PCDHA3: variants seen among roughly 807,000 people sequenced by gnomAD.
The protein encoded by PCDHA3 is protocadherin alpha 3.
Under a neutral mutation model 62.2 loss-of-function variants are expected in PCDHA3, and 41 were observed. The ratio of observed to expected loss-of-function variants is 0.66; its 90% CI spans 0.51 to 0.86. The LOEUF (loss-of-function observed/expected upper bound fraction) is 0.86, where lower values mean the gene tolerates loss of function less well. Ranked by LOEUF, PCDHA3 falls within the 40% of genes least tolerant of loss-of-function variation. The pLI is 0.00. For synonymous variants in PCDHA3, 640 were observed against 555.4 expected, an observed-to-expected ratio of 1.15 and a Z score of -2.14; for missense variants, 1,304 against 1,241.2, an observed-to-expected ratio of 1.05 and a Z score of -0.76.
chr5:140,929,443 T>C, intron 1 of PCDHA3: 1 of 1,426,882 alleles, frequency 7.0e-7, no homozygotes, highest in Non-Finnish European at 9.3e-7. Flanking sequence ...AAACACTCCT[T>C]CTTAGCACTT....
rs1238840347 is a variant in PCDHA3 at position 140,858,526 on chromosome 5, AT to A, written c.2394+54940del. On this transcript the variant is annotated intron_variant, in intron 1 of 3. Coordinates refer to ENST00000522353, the MANE Select transcript of PCDHA3 (RefSeq NM_018906.3). ...TCTCAAATATGTATCAGAATATTTC[AT>A]TTTTGTCTACATTCCATTTATGCTT... 6.2e-5 allele frequency: 87 copies of A among 1,407,632 alleles called. 5 individuals carry two copies. The highest frequency in any genetic ancestry group is 8.4e-5 in the Non-Finnish European group (85 of 1,016,948). The allele number at this position is 1,407,632 out of a possible 1,614,324, so 87.2% of individuals were successfully genotyped here.
intron 1 of PCDHA3, among the ~76,000 whole-genome samples, chr5:140,904,904 C>T (rs1463349424): frequency 6.6e-6 from 1 of 151,948 alleles, no homozygotes; most frequent in East Asian, 1.9e-4. Context: ...GTTTTTCTTA[C>T]TGATTTGTTT....
chr5:140,801,905 C>T lies in PCDHA3; in HGVS notation c.708C>T (p.Asn236=). 1.2e-6 allele frequency: 2 copies of T among 1,614,138 alleles called. No individual in the cohort carries two copies. Among genetic ancestry groups the T allele is most frequent in the Non-Finnish European group, 1.7e-6 (2 of 1,180,030 alleles). Residue 236 remains asparagine (N), a synonymous_variant, in exon 1 of 4, where the codon AAC becomes AAT. Transcript: ENST00000522353. ...TAAAGATCACTGTTTTAGATGTAAA[C>T]GACAACGCCCCAGCGTTTGAGAGGA... is the stretch of plus-strand genomic sequence containing the variant. ...TQLKITVLDV[N]DNAPAFERTI... is the part of the protein sequence containing the mutation.
intron 1 of PCDHA3, chr5:140,836,332 T>C (rs2150258033): frequency 1.2e-6 from 2 of 1,613,714 alleles, no homozygotes; most frequent in Non-Finnish European, 1.7e-6. Context: ...CTTCTGGTGC[T>C]TGTGAAGGAC....
At chr5:140,858,299 C>A in intron 1 of PCDHA3, 1 of 1,597,210 alleles carries the variant, frequency 6.3e-7, no homozygotes, top group Non-Finnish European at 8.6e-7. Flanking sequence ...TTACTCGCAG[C>A]AGAGGCGGCA....
At chr5:140,968,150 A>G (rs1554230413) in intron 1 of PCDHA3, 2 of 1,614,180 alleles carry the variant, frequency 1.2e-6, no homozygotes, top group Admixed American at 1.7e-5. Flanking sequence ...GATCTCTGAC[A>G]TCAATGACAA....
chr5:140,847,939 G>A (rs2150405310), intron 1 of PCDHA3: 7 of 151,270 alleles, frequency 4.6e-5, no homozygotes, highest in African/African-American at 1.7e-4. Flanking sequence ...TGCAACTCCT[G>A]GATTTCTCTT....
At chr5:140,808,893 G>C in intron 1 of PCDHA3, 1 of 1,613,410 alleles carries the variant, frequency 6.2e-7, no homozygotes, top group South Asian at 1.1e-5. Context: ...CTAGCGCCTC[G>C]GGCGGGTGGC....
chr5:140,961,464 C>G (rs1364555316), intron 1 of PCDHA3, among the ~76,000 whole-genome samples: 1 of 152,126 alleles, frequency 6.6e-6, no homozygotes, highest in Non-Finnish European at 1.5e-5. Flanking sequence ...AGCTGCCTTT[C>G]TTTTTTTGTC....
chr5:140,823,603 C>T (rs2150127370), intron 1 of PCDHA3: 1 of 1,614,048 alleles, frequency 6.2e-7, no homozygotes, highest in South Asian at 1.1e-5. Context: ...TTCGTATGAG[C>T]TGCAGCCAGC....
intron 3 of PCDHA3, among the ~76,000 whole-genome samples, chr5:141,005,934 G>A (rs556608068): frequency 3.4e-4 from 52 of 151,912 alleles, no homozygotes; most frequent in Non-Finnish European, 7.2e-4. Context: ...TTGACAGAGT[G>A]AGAACCTATC....
rs1554149344 is a variant in PCDHA3, at chr5:140,856,961, G to C, written c.2394+53370G>C. 5.0e-6 allele frequency: 8 copies of C among 1,590,776 alleles called. 2 individuals carry two copies. The highest frequency in any genetic ancestry group is 3.4e-5 in the Admixed American group (2 of 59,226). ...AAGGACGGGAGAAATAAAAGTAAATGATGCTATTGACTTTGAGGACAGTAA... is the reference window on the plus strand; with the variant it reads ...AAGGACGGGAGAAATAAAAGTAAATCATGCTATTGACTTTGAGGACAGTAA... On this transcript the variant is annotated intron_variant, in intron 1 of 3. Transcript: ENST00000522353.
intron 1 of PCDHA3, among the ~76,000 whole-genome samples, chr5:140,878,476 A>T (rs1037108551): frequency 3.2e-4 from 49 of 152,322 alleles, no homozygotes; most frequent in African/African-American, 1.1e-3. Flanking sequence ...TCATTTCTCA[A>T]TTTAAAAATA....
At chr5:140,834,190 C>T in intron 1 of PCDHA3, 2 of 580,584 alleles carry the variant, frequency 3.4e-6, no homozygotes, top group South Asian at 2.5e-5. Context: ...CATGATGTCG[C>T]TCTTTACCGC....
chr5:140,843,322 G>T (rs1473227460), intron 1 of PCDHA3: 4 of 1,595,938 alleles, frequency 2.5e-6, no homozygotes, highest in Non-Finnish European at 1.7e-6. Context: ...CGGTTCTGGT[G>T]TCGCTGGTGG....
intron 1 of PCDHA3, chr5:140,882,150 C>T: frequency 1.3e-6 from 2 of 1,501,768 alleles, no homozygotes; most frequent in Non-Finnish European, 1.8e-6. Context: ...TAGCAGAAAG[C>T]GGAATACCTC....
intron 1 of PCDHA3, among the ~76,000 whole-genome samples, chr5:140,961,843 G>T (rs1244708157): frequency 1.3e-5 from 2 of 151,972 alleles, no homozygotes; most frequent in Non-Finnish European, 2.9e-5. Flanking sequence ...CAGTGCCTTG[G>T]AAGATCATTT....
At chr5:140,849,484 T>A (rs2040926970) in intron 1 of PCDHA3, 1 of 1,590,814 alleles carries the variant, frequency 6.3e-7, no homozygotes, top group Non-Finnish European at 8.6e-7. Flanking sequence ...TTCCCACCCC[T>A]GGCTGGTCAT....
At chr5:140,871,176 GCT>G in intron 1 of PCDHA3, 6 of 1,613,534 alleles carry the variant, frequency 3.7e-6, no homozygotes, top group Non-Finnish European at 5.1e-6. Context: ...CAGAGGCTGC[GCT>G]GGTGGATGTC....
Sources: allele counts gnomAD v4.1 joint callset (sites outside exome capture counted in the v4.1 genomes callset), GRCh38; gene constraint gnomAD v4.1.1; transcripts MANE v1.5; gene names NCBI Gene and HGNC (gene_info 2026-07-23, HGNC 2026-07-21).